Variants in KCNH5 observed in about 807,000 individuals in gnomAD.
KCNH5 encodes voltage-gated delayed rectifier potassium channel KCNH5.
KCNH5 carries 46 observed loss-of-function variants against 96.1 expected under a neutral mutation model. The ratio of observed to expected loss-of-function variants is 0.48; its 90% CI spans 0.38 to 0.61. The LOEUF is 0.61. KCNH5 is among the 20% of genes least tolerant of loss of function. The pLI is 0.00. For missense variants in KCNH5, 907 were observed against 1,225.8 expected, an observed-to-expected ratio of 0.74 and a Z score of 3.88; for synonymous variants, 439 against 449.8, an observed-to-expected ratio of 0.98 and a Z score of 0.30.
At chr14:62,951,197 TATCCA>T (rs200220625) in intron 6 of KCNH5, among the ~76,000 whole-genome samples, 1,650 of 152,268 alleles carry the variant, frequency 0.011, 48 homozygotes, top group African/African-American at 0.037. Flanking sequence ...CCTACTATCC[TATCCA>T]TTCTCTAGCA....
At position 62,929,735 on chromosome 14, in the gene KCNH5, C is replaced by G. The variant is rs369523129; in HGVS notation, c.1369+20398G>C. Among the ~76,000 whole-genome samples, 230 of 151,210 alleles carry G rather than the reference C, an allele frequency of 1.5e-3. 2 individuals are homozygous for G. Among genetic ancestry groups the G allele is most frequent in the African/African-American group, 5.2e-3 (213 of 41,140 alleles). On this transcript the variant is annotated intron_variant, in intron 7 of 10. Coordinates refer to ENST00000322893, the MANE Select transcript of KCNH5 (RefSeq NM_139318.5). Reference sequence around the variant, plus strand: ...AGGGAAGATACGTGTAGATTTGTTACATGGGTATATTGTACCCAGGTAGTG... The same window carrying G: ...AGGGAAGATACGTGTAGATTTGTTAGATGGGTATATTGTACCCAGGTAGTG...
intron 5 of KCNH5, 47 bp downstream of exon 5, chr14:62,987,025 T>C (rs1890720991): frequency 8.0e-7 from 1 of 1,243,770 alleles, no homozygotes. Flanking sequence ...GGAAGAAAAA[T>C]GTACCAACAC....
intron 10 of KCNH5, among the ~76,000 whole-genome samples, chr14:62,733,013 G>A (rs1291702684): frequency 6.6e-6 from 1 of 151,556 alleles, no homozygotes; most frequent in African/African-American, 2.4e-5. Flanking sequence ...TGATAGTGGT[G>A]TGCTATAATT....
chr14:62,908,375 G>C (rs1378044319), intron 7 of KCNH5, among the ~76,000 whole-genome samples: 2 of 152,114 alleles, frequency 1.3e-5, no homozygotes, highest in Non-Finnish European at 2.9e-5. Flanking sequence ...CCTGCTTCCT[G>C]TTCACCCGCC....
chr14:62,815,315 A>T (rs530211458), intron 8 of KCNH5, among the ~76,000 whole-genome samples: 2 of 152,166 alleles, frequency 1.3e-5, no homozygotes, highest in East Asian at 3.8e-4. Flanking sequence ...CATGGGATAT[A>T]GACTTCTGGG....
intron 10 of KCNH5, among the ~76,000 whole-genome samples, chr14:62,715,369 G>T (rs1432249552): frequency 6.6e-6 from 1 of 152,110 alleles, no homozygotes; most frequent in Non-Finnish European, 1.5e-5. Flanking sequence ...GAGTAGCTCT[G>T]GTTCATCTGA....
chr14:62,834,016 C>T (rs970961300), intron 8 of KCNH5, among the ~76,000 whole-genome samples: 1 of 152,038 alleles, frequency 6.6e-6, no homozygotes, highest in East Asian at 1.9e-4. Flanking sequence ...CAGTAATCTC[C>T]ATGTTGTAAA....
intron 10 of KCNH5, among the ~76,000 whole-genome samples, chr14:62,775,879 A>T (rs909802971): frequency 7.9e-5 from 12 of 152,200 alleles, no homozygotes; most frequent in African/African-American, 2.2e-4. Flanking sequence ...CTATTGACTA[A>T]GTTTTACCCC....
At chr14:62,856,188 T>C (rs1324854507) in intron 7 of KCNH5, among the ~76,000 whole-genome samples, 1 of 152,230 alleles carries the variant, frequency 6.6e-6, no homozygotes, top group Non-Finnish European at 1.5e-5. Flanking sequence ...AAATTGCTCA[T>C]GATAAGAGAT....
intron 10 of KCNH5, among the ~76,000 whole-genome samples, chr14:62,720,122 G>C (rs1378890816): frequency 6.6e-6 from 1 of 152,212 alleles, no homozygotes; most frequent in Non-Finnish European, 1.5e-5. Flanking sequence ...GAATGAAGAA[G>C]TGGGCCCTGG....
chr14:62,994,614 T>A (rs1300316424), intron 4 of KCNH5, among the ~76,000 whole-genome samples: 2 of 152,204 alleles, frequency 1.3e-5, no homozygotes, highest in East Asian at 1.9e-4. Flanking sequence ...CAAAGCAGCA[T>A]AATTCTCTCC....
At chr14:62,801,578 T>G (rs1026091010) in intron 9 of KCNH5, among the ~76,000 whole-genome samples, 1 of 148,746 alleles carries the variant, frequency 6.7e-6, no homozygotes, top group African/African-American at 2.5e-5. Context: ...ATTTTATCAC[T>G]TATATATACT....
intron 10 of KCNH5, among the ~76,000 whole-genome samples, chr14:62,739,875 C>T (rs1466024176): frequency 1.3e-5 from 2 of 152,074 alleles, no homozygotes; most frequent in African/African-American, 2.4e-5. Context: ...GATTTACAGT[C>T]GCCTTTTAAT....
chr14:62,904,691 A>G (rs949385183), intron 7 of KCNH5, among the ~76,000 whole-genome samples: 1 of 152,204 alleles, frequency 6.6e-6, no homozygotes, highest in Non-Finnish European at 1.5e-5. Flanking sequence ...CAAATGCTAC[A>G]CTGAGGCTTC....
intron 8 of KCNH5, among the ~76,000 whole-genome samples, chr14:62,825,644 A>G (rs1595641109): frequency 1.3e-5 from 2 of 152,314 alleles, no homozygotes; most frequent in East Asian, 3.9e-4. Flanking sequence ...GGTGATTAAC[A>G]TATTGAACTT....
chr14:62,861,886 T>C (rs1195324531), intron 7 of KCNH5, among the ~76,000 whole-genome samples: 6 of 152,184 alleles, frequency 3.9e-5, no homozygotes, highest in African/African-American at 1.4e-4. Context: ...AAGATTACCT[T>C]ACCTATTTAT....
chr14:62,781,565 G>GACCT (rs1396972302), intron 9 of KCNH5, among the ~76,000 whole-genome samples: 2 of 152,194 alleles, frequency 1.3e-5, no homozygotes, highest in African/African-American at 2.4e-5. Flanking sequence ...GCAGTTTAGA[G>GACCT]ACCTACCGCC....
chr14:62,719,707 G>A (rs1420055111), intron 10 of KCNH5, among the ~76,000 whole-genome samples: 2 of 152,156 alleles, frequency 1.3e-5, no homozygotes, highest in Non-Finnish European at 2.9e-5. Flanking sequence ...ACGGCGCTGG[G>A]ATTGGCCAAG....
chr14:62,809,364 T>C (rs1482821968), intron 8 of KCNH5, among the ~76,000 whole-genome samples: 1 of 152,142 alleles, frequency 6.6e-6, no homozygotes, highest in African/African-American at 2.4e-5. Flanking sequence ...TTGCTTTCCT[T>C]TAAGGAATCA....
Sources: gnomAD v4.1 joint callset for allele counts (sites outside exome capture counted in the v4.1 genomes callset) on GRCh38, gnomAD v4.1.1 for gene constraint, MANE v1.5 for transcripts, NCBI Gene and HGNC (gene_info 2026-07-23, HGNC 2026-07-21) for gene names.